The following C10orf90 variants were observed in gnomAD, a reference collection of about 807,000 sequenced individuals.
The protein encoded by C10orf90 is chromosome 10 open reading frame 90.
A neutral mutation model predicts 62.5 loss-of-function variants in C10orf90; 56 were observed. The observed-to-expected ratio is 0.90, with a 90% CI of 0.72 to 1.12. C10orf90 has a LOEUF of 1.12. Among genes scored for constraint, C10orf90 ranks in the 50% most tolerant of loss-of-function variants. The pLI, the probability that C10orf90 is intolerant of heterozygous loss-of-function variation, is 0.00. For missense variants in C10orf90, 970 were observed against 880.4 expected (o/e 1.10, Z -1.29); for synonymous variants, 386 against 340.4 (o/e 1.13, Z -1.47).
At chr10:126,543,150 CAGTAT>C (rs1564864780) in intron 2 of C10orf90, among the ~76,000 whole-genome samples, 1 of 152,090 alleles carries the variant, frequency 6.6e-6, no homozygotes, top group South Asian at 2.1e-4. Context: ...TATTAATTTA[CAGTAT>C]AGTATATAGT....
At chr10:126,568,463 C>T (rs928203477) in intron 2 of C10orf90, among the ~76,000 whole-genome samples, 3 of 152,182 alleles carry the variant, frequency 2.0e-5, no homozygotes, top group Admixed American at 2.0e-4. Flanking sequence ...AAAGCCAGCA[C>T]AGAATCCCTC....
At position 126,613,528 on chromosome 10, in the gene C10orf90, G is replaced by T. The variant is rs371699403; in HGVS notation, c.313+33037C>A. ...CCCAAAGTGCTGGGATTACAGGCAT[G>T]AGCCACCATGCCCGGCCTCAGATGA... On this transcript the variant is annotated intron_variant, in intron 2 of 9. Coordinates refer to ENST00000488181, the MANE Select transcript of C10orf90 (RefSeq NM_001350921.2). Among the ~76,000 whole-genome samples, 8 of 152,304 alleles carry T rather than the reference G, an allele frequency of 5.3e-5. No individual in the cohort carries two copies. In the South Asian group the frequency reaches 1.5e-3, roughly 28 times the overall value.
At chr10:126,503,438 G>A (rs1196328017) in intron 4 of C10orf90, among the ~76,000 whole-genome samples, 2 of 152,030 alleles carry the variant, frequency 1.3e-5, no homozygotes, top group African/African-American at 4.8e-5. Flanking sequence ...TATTATACAC[G>A]CACACACGCA....
rs1352395690 is a variant in C10orf90, at chr10:126,464,802, G to A, written c.1719C>T (p.Phe573=). ...SEPTERRHQS[F]LKPRILFPGF... is the part of the protein sequence containing the mutation. ...CAGGAAAAAGGATTCTGGGTTTCAG[G>A]AAGCTTTGATGTCGTCTCTCTGTGG... Residue 573 remains phenylalanine (F), a synonymous_variant, in exon 5 of 10, where the codon TTC becomes TTT. Coordinates refer to ENST00000488181, the MANE Select transcript of C10orf90 (RefSeq NM_001350921.2). 2 of 1,614,108 alleles carry A rather than the reference G, an allele frequency of 1.2e-6. No individual in the cohort carries two copies. The highest frequency in any genetic ancestry group is 1.1e-5 in the South Asian group (1 of 91,068).
At chr10:126,427,465 G>A (rs1043399567) in intron 8 of C10orf90, among the ~76,000 whole-genome samples, 1 of 152,200 alleles carries the variant, frequency 6.6e-6, no homozygotes, top group African/African-American at 2.4e-5. Flanking sequence ...CTGTGAGGGT[G>A]TTGCCAGAGG....
chr10:126,583,393 T>C (rs573980629), intron 2 of C10orf90, among the ~76,000 whole-genome samples: 1 of 152,316 alleles, frequency 6.6e-6, no homozygotes, highest in South Asian at 2.1e-4. Flanking sequence ...TCTTCCTTTA[T>C]TGGGGATTTT....
chr10:126,650,932 C>T (rs976941576), intron 1 of C10orf90, among the ~76,000 whole-genome samples: 1 of 152,170 alleles, frequency 6.6e-6, no homozygotes, highest in Non-Finnish European at 1.5e-5. Context: ...GCCAGACCCA[C>T]CCTGCAGAAA....
intron 2 of C10orf90, among the ~76,000 whole-genome samples, chr10:126,562,751 T>C (rs1160045245): frequency 6.6e-6 from 1 of 152,214 alleles, no homozygotes; most frequent in Non-Finnish European, 1.5e-5. Flanking sequence ...CAGTCAGCAA[T>C]ATCCAGGGAG....
chr10:126,634,983 C>T (rs545250873), intron 2 of C10orf90, among the ~76,000 whole-genome samples: 6 of 152,288 alleles, frequency 3.9e-5, no homozygotes, highest in South Asian at 4.1e-4. Context: ...AGTCCCTGAC[C>T]CCCAGTGTTG....
intron 2 of C10orf90, among the ~76,000 whole-genome samples, chr10:126,541,343 AAC>A (rs1414354124): frequency 2.0e-5 from 3 of 152,184 alleles, no homozygotes; most frequent in Admixed American, 6.5e-5. Flanking sequence ...AATTTTAAAA[AAC>A]ATTTAAAGAA....
At chr10:126,575,931 T>A (rs1354411090) in intron 2 of C10orf90, among the ~76,000 whole-genome samples, 2 of 151,940 alleles carry the variant, frequency 1.3e-5, no homozygotes, top group Admixed American at 6.5e-5. Flanking sequence ...TCAAAATAGA[T>A]GAAAGACCTA....
chr10:126,548,955 G>T (rs930623826), intron 2 of C10orf90, among the ~76,000 whole-genome samples: 3 of 152,054 alleles, frequency 2.0e-5, no homozygotes, highest in African/African-American at 7.2e-5. Context: ...GAAACAACTA[G>T]ACACTCAAAG....
At chr10:126,484,716 G>A (rs1861336765) in intron 4 of C10orf90, among the ~76,000 whole-genome samples, 1 of 152,064 alleles carries the variant, frequency 6.6e-6, no homozygotes, top group South Asian at 2.1e-4. Context: ...CCTCTTCCAG[G>A]AATATAGCTT....
intron 5 of C10orf90, 83 bp from the exon 6 acceptor site, chr10:126,461,668 C>A: frequency 7.0e-4 from 837 of 1,199,124 alleles, no homozygotes; most frequent in East Asian, 1.4e-3. Context: ...ACACAGAAGA[C>A]AATTTTGAAA....
intron 3 of C10orf90, among the ~76,000 whole-genome samples, chr10:126,508,185 G>GAGAGAC (rs1286590282): frequency 6.6e-6 from 1 of 151,982 alleles, no homozygotes; most frequent in Non-Finnish European, 1.5e-5. Context: ...GAGAGAGAGA[G>GAGAGAC]AGAGAGTGTG....
At chr10:126,623,459 ACC>A (rs1406151895) in intron 2 of C10orf90, among the ~76,000 whole-genome samples, 1 of 151,692 alleles carries the variant, frequency 6.6e-6, no homozygotes. Context: ...GTTCCTTTCT[ACC>A]CTCTCACATC....
intron 2 of C10orf90, among the ~76,000 whole-genome samples, chr10:126,514,797 T>A (rs188513606): frequency 1.3e-5 from 2 of 148,992 alleles, no homozygotes; most frequent in African/African-American, 4.9e-5. Context: ...CCACCCCCCA[T>A]CTCTAAAAGT....
intron 2 of C10orf90, among the ~76,000 whole-genome samples, chr10:126,516,420 C>T (rs1183178743): frequency 1.3e-5 from 2 of 152,210 alleles, no homozygotes; most frequent in African/African-American, 4.8e-5. Context: ...CACAGAGTCC[C>T]AGCACCTGAA....
chr10:126,546,877 C>A (rs936280370), intron 2 of C10orf90, among the ~76,000 whole-genome samples: 1 of 152,246 alleles, frequency 6.6e-6, no homozygotes, highest in Non-Finnish European at 1.5e-5. Context: ...ATAATCCCAG[C>A]ACTCTGGGAG....
Sources: allele counts gnomAD v4.1 joint callset (sites outside exome capture counted in the v4.1 genomes callset), GRCh38; gene constraint gnomAD v4.1.1; transcripts MANE v1.5; gene names NCBI Gene and HGNC (gene_info 2026-07-23, HGNC 2026-07-21).